STPG2: variants seen among roughly 807,000 people sequenced by gnomAD.
The protein encoded by STPG2 is sperm tail PG-rich repeat containing 2.
In STPG2, 56 loss-of-function variants were observed where a neutral mutation model predicts 54.2. The observed-to-expected ratio is 1.03, with a 90% CI of 0.83 to 1.29. The LOEUF is 1.29. Among genes scored for constraint, STPG2 ranks in the 50% most tolerant of loss-of-function variants. The pLI, the probability that STPG2 is intolerant of heterozygous loss-of-function variation, is 0.00. For synonymous variants in STPG2, 200 were observed against 181.8 expected, an observed-to-expected ratio of 1.10 and a Z score of -0.81; for missense variants, 596 against 544.9, an observed-to-expected ratio of 1.09 and a Z score of -0.93.
chr4:97,479,936 T>C (rs1475585974), intron 4 of STPG2, among the ~76,000 whole-genome samples: 1 of 151,844 alleles, frequency 6.6e-6, no homozygotes. Context: ...GCTGAAACTA[T>C]AATTCTGTAG....
chr4:97,710,834 A>T (rs1230911272), intron 10 of STPG2, among the ~76,000 whole-genome samples: 1 of 152,022 alleles, frequency 6.6e-6, no homozygotes, highest in Non-Finnish European at 1.5e-5. Flanking sequence ...GGTGTTGAGA[A>T]GACAAAAACA....
chr4:97,932,357 A>AT (rs201004313), intron 8 of STPG2, among the ~76,000 whole-genome samples: 8 of 151,526 alleles, frequency 5.3e-5, no homozygotes, highest in East Asian at 1.9e-4. Context: ...ATTTTTCCAA[A>AT]TTTTTTTTTA....
At chr4:97,698,660 C>T (rs192975628) in intron 10 of STPG2, among the ~76,000 whole-genome samples, 2 of 152,274 alleles carry the variant, frequency 1.3e-5, no homozygotes, top group Non-Finnish European at 2.9e-5. Context: ...CCCTGTGAAT[C>T]CTGGCTATGG....
chr4:98,126,766 T>A (rs1056673770), intron 3 of STPG2, among the ~76,000 whole-genome samples: 1 of 152,034 alleles, frequency 6.6e-6, no homozygotes, highest in East Asian at 1.9e-4. Context: ...AGGCGTCATA[T>A]CCAAAATGTA....
chr4:97,884,285 A>G (rs1530904), intron 8 of STPG2, among the ~76,000 whole-genome samples: 88,509 of 151,934 alleles, frequency 0.58, 26,348 homozygotes, highest in East Asian at 0.74. Flanking sequence ...AAATTTTTAC[A>G]ATGAACTTAA....
At chr4:97,666,431 T>C (rs755914524) in intron 10 of STPG2, among the ~76,000 whole-genome samples, 6 of 152,212 alleles carry the variant, frequency 3.9e-5, no homozygotes, top group Non-Finnish European at 8.8e-5. Flanking sequence ...AGACACCTAA[T>C]AAATAATACT....
chr4:97,926,095 T>G (rs1732322845), intron 8 of STPG2, among the ~76,000 whole-genome samples: 1 of 152,174 alleles, frequency 6.6e-6, no homozygotes, highest in Non-Finnish European at 1.5e-5. Flanking sequence ...ATAGGCCCTC[T>G]CTACCTAAAT....
chr4:97,923,336 T>A (rs1436876743), intron 8 of STPG2, among the ~76,000 whole-genome samples: 1 of 23,924 alleles, frequency 4.2e-5, no homozygotes, highest in Non-Finnish European at 8.0e-5. Flanking sequence ...GTGGCCCACC[T>A]CCCCGACAAG....
intron 10 of STPG2, among the ~76,000 whole-genome samples, chr4:97,675,025 C>T (rs928843210): frequency 1.6e-4 from 24 of 151,056 alleles, no homozygotes; most frequent in African/African-American, 3.6e-4. Flanking sequence ...TTTTTTGAGA[C>T]GAAGTTTTGC....
chr4:97,782,570 A>T lies in STPG2; in HGVS notation c.1204+58203T>A, dbSNP rs116490713. ...CAATGACTTTCTTCACAGAATTCAA[A>T]AAAAACTACTTTAAAGTTCATGTGA... On this transcript the variant is annotated intron_variant, in intron 9 of 10. Transcript: ENST00000295268. Among the ~76,000 whole-genome samples, 1,044 of 152,350 alleles carry T rather than the reference A, an allele frequency of 6.9e-3. 11 individuals carry two copies. The highest frequency in any genetic ancestry group is 0.014 in the South Asian group (68 of 4,828).
intron 5 of STPG2, among the ~76,000 whole-genome samples, chr4:98,033,138 C>A (rs1464092384): frequency 3.3e-5 from 5 of 150,740 alleles, no homozygotes; most frequent in Non-Finnish European, 7.4e-5. Context: ...CAAAAAAAAC[C>A]CTTCAAAAAA....
intron 10 of STPG2, among the ~76,000 whole-genome samples, chr4:97,692,308 A>C (rs923651270): frequency 6.6e-6 from 1 of 151,636 alleles, no homozygotes; most frequent in African/African-American, 2.4e-5. Flanking sequence ...GAAAAAAAAA[A>C]AAAAAAAACC....
At chr4:97,798,874 G>T (rs1727288934) in intron 9 of STPG2, among the ~76,000 whole-genome samples, 1 of 37,662 alleles carries the variant, frequency 2.7e-5, no homozygotes, top group African/African-American at 1.1e-4. Context: ...CTCCTGTATT[G>T]GGTGCATATA....
intron 8 of STPG2, among the ~76,000 whole-genome samples, chr4:97,897,230 A>G (rs1253899481): frequency 3.9e-5 from 6 of 152,082 alleles, no homozygotes; most frequent in Non-Finnish European, 7.4e-5. Flanking sequence ...CCTACAAAGG[A>G]CATGATCTCA....
intron 8 of STPG2, among the ~76,000 whole-genome samples, chr4:97,877,278 T>G (rs1214456729): frequency 6.6e-6 from 1 of 152,100 alleles, no homozygotes; most frequent in Non-Finnish European, 1.5e-5. Context: ...TCTATGAAAT[T>G]CATTACAAGG....
chr4:97,607,437 T>C (rs1733624439), intron 10 of STPG2, among the ~76,000 whole-genome samples: 1 of 152,012 alleles, frequency 6.6e-6, no homozygotes, highest in Non-Finnish European at 1.5e-5. Context: ...ACCACCCAAA[T>C]CAAAGACAGT....
At chr4:97,660,491 T>G (rs1266637617) in intron 10 of STPG2, among the ~76,000 whole-genome samples, 1 of 152,204 alleles carries the variant, frequency 6.6e-6, no homozygotes, top group Non-Finnish European at 1.5e-5. Flanking sequence ...GTGATACATT[T>G]TATTAGAAAC....
intron 4 of STPG2, among the ~76,000 whole-genome samples, chr4:97,478,233 A>C (rs541492355): frequency 3.2e-4 from 48 of 152,324 alleles, no homozygotes; most frequent in African/African-American, 1.1e-3. Context: ...TAAAGTGGAA[A>C]TACTGAGTCA....
chr4:97,837,589 T>C (rs1479474387), intron 9 of STPG2, among the ~76,000 whole-genome samples: 3 of 151,678 alleles, frequency 2.0e-5, no homozygotes, highest in African/African-American at 7.2e-5. Context: ...CCTCATTTAA[T>C]TATTTCTTCA....
Sources: allele counts gnomAD v4.1 joint callset (sites outside exome capture counted in the v4.1 genomes callset), GRCh38; gene constraint gnomAD v4.1.1; transcripts MANE v1.5; gene names NCBI Gene and HGNC (gene_info 2026-07-23, HGNC 2026-07-21).